TANGO2: variants seen among roughly 807,000 people sequenced by gnomAD.
The protein encoded by TANGO2 is transport and Golgi organization protein 2 homolog.
A neutral mutation model predicts 39.1 loss-of-function variants in TANGO2; 26 were observed. The observed-to-expected ratio is 0.67, with a 90% confidence interval of 0.49 to 0.92. The LOEUF (loss-of-function observed/expected upper bound fraction) is 0.92. TANGO2 is among the 40% of genes least tolerant of loss of function. The probability of loss-of-function intolerance (pLI) is 0.00; values close to 1 mark genes in which losing one functional copy is unlikely to be tolerated. For synonymous variants in TANGO2, 131 were observed against 144.5 expected (o/e 0.91, Z 0.67); for missense variants, 326 against 360.1 (o/e 0.91, Z 0.77).
chr22:20,018,486 C>T (rs547832332), upstream of TANGO2, among the ~76,000 whole-genome samples: 3 of 152,350 alleles, frequency 2.0e-5, no homozygotes, highest in South Asian at 6.2e-4. Context: ...GCTGGAGCCC[C>T]TCTTCTCACA....
intron 1 of TANGO2, among the ~76,000 whole-genome samples, chr22:20,031,559 A>G (rs1445957814): frequency 2.6e-5 from 4 of 152,208 alleles, no homozygotes; most frequent in African/African-American, 4.8e-5. Flanking sequence ...CCTGGGCTAC[A>G]TATCTGGGCT....
upstream of TANGO2, chr22:20,019,426 CT>C (rs2146576868): frequency 6.6e-6 from 1 of 152,394 alleles, no homozygotes; most frequent in South Asian, 2.1e-4. Context: ...CACCTGCTTC[CT>C]GGCATCGCAT....
chr22:20,056,732 CA>C (rs1382945163), intron 6 of TANGO2: 1 of 456,506 alleles, frequency 2.2e-6, no homozygotes, highest in Admixed American at 2.3e-5. Context: ...CAGGACAAAG[CA>C]GCACTCCTGG....
intron 1 of TANGO2, among the ~76,000 whole-genome samples, chr22:20,021,710 T>C (rs2039716099): frequency 1.3e-5 from 2 of 152,112 alleles, no homozygotes; most frequent in Admixed American, 6.5e-5. Flanking sequence ...GCGTCAGAGG[T>C]AGGGGCTGGC....
chr22:20,060,790 G>A (rs1001038669), intron 6 of TANGO2, among the ~76,000 whole-genome samples: 6 of 152,104 alleles, frequency 3.9e-5, no homozygotes, highest in African/African-American at 1.4e-4. Context: ...TGGTGTCTTG[G>A]TCTCCCTGGT....
At chr22:20,041,394 ACT>A (rs1331309732) in intron 2 of TANGO2, among the ~76,000 whole-genome samples, 1 of 141,690 alleles carries the variant, frequency 7.1e-6, no homozygotes, top group African/African-American at 2.7e-5. Context: ...CTCACTGCAA[ACT>A]CTGCCTCCCG....
rs550504498 is a variant in TANGO2, at chr22:20,034,074, G to T, written c.-39-2686G>T. Among the ~76,000 whole-genome samples the T allele has an allele frequency of 2.6e-5, 4 of 152,262 alleles. No individual in the cohort carries two copies. In the South Asian group the frequency reaches 8.3e-4, roughly 32 times the overall value. Reference sequence around the variant, plus strand: ...TACAAAATTAGCTGGGCGTGGTGGCGCATGCCTGTAATCCCAGCTACTCGG... The same window carrying T: ...TACAAAATTAGCTGGGCGTGGTGGCTCATGCCTGTAATCCCAGCTACTCGG... On this transcript the variant is annotated intron_variant, in intron 1 of 8. Coordinates refer to ENST00000327374, the MANE Select transcript of TANGO2 (RefSeq NM_152906.7).
At chr22:20,047,199 T>A (rs1470589952) in intron 3 of TANGO2, among the ~76,000 whole-genome samples, 1 of 151,054 alleles carries the variant, frequency 6.6e-6, no homozygotes, top group Non-Finnish European at 1.5e-5. Context: ...AGACCCCACC[T>A]CCAACACTGG....
intron 2 of TANGO2, 99 bp from the exon 3 acceptor site, chr22:20,043,256 C>G: frequency 1.2e-6 from 1 of 834,982 alleles, no homozygotes; most frequent in Non-Finnish European, 2.0e-6. Context: ...CTGAGACTGG[C>G]CCTTGTTGCC....
intron 1 of TANGO2, among the ~76,000 whole-genome samples, chr22:20,025,196 G>T (rs1248141511): frequency 1.3e-5 from 2 of 149,750 alleles, no homozygotes; most frequent in African/African-American, 2.4e-5. Flanking sequence ...GGTTCAATGC[G>T]ATTCTCCTGC....
At chr22:20,053,094 C>A (rs1441378950) in intron 4 of TANGO2, among the ~76,000 whole-genome samples, 3 of 152,192 alleles carry the variant, frequency 2.0e-5, no homozygotes, top group Admixed American at 6.5e-5. Flanking sequence ...GTGTCACTGT[C>A]CCCTGCCTGG....
chr22:20,061,322 C>T (rs534041694), intron 6 of TANGO2: 83 of 522,236 alleles, frequency 1.6e-4, no homozygotes, highest in South Asian at 1.1e-3. Context: ...TGCCCGCTTC[C>T]GCCTACTGCT....
Position 20,061,181 on chromosome 22 carries a change from C to G in TANGO2, c.452-349C>G, listed in dbSNP as rs140358672. Reference sequence around the variant, plus strand: ...CACTCTTGAACTTCTCAGGTGGCCCCCCAACCTGGCGTGAGGTGAAGAGGT... The same window carrying G: ...CACTCTTGAACTTCTCAGGTGGCCCGCCAACCTGGCGTGAGGTGAAGAGGT... On this transcript the variant is annotated intron_variant, in intron 6 of 8. Coordinates refer to ENST00000327374, the MANE Select transcript of TANGO2 (RefSeq NM_152906.7). The G allele has an allele frequency of 2.2e-5, 4 of 186,014 alleles. No homozygotes were observed. In the Admixed American group the frequency reaches 2.5e-4, roughly 11 times the overall value. 11.5% of individuals were successfully genotyped at this position (186,014 alleles called of 1,614,324 possible).
At chr22:20,056,060 C>A in intron 6 of TANGO2, 47 bp downstream of exon 6, 1 of 1,454,462 alleles carries the variant, frequency 6.9e-7, no homozygotes, top group Non-Finnish European at 9.7e-7. Context: ...TGTTTCTATG[C>A]AGAGGTCACC....
At chr22:20,043,859 G>A (rs912247643) in intron 3 of TANGO2, among the ~76,000 whole-genome samples, 3 of 152,142 alleles carry the variant, frequency 2.0e-5, no homozygotes, top group Admixed American at 6.5e-5. Context: ...GTTTGTATAT[G>A]AGCACCCTTG....
chr22:20,067,145 G>A lies in TANGO2; in HGVS notation c.*2483G>A, dbSNP rs1285453138. 1.3e-5 allele frequency: 2 copies of A among 151,976 alleles called. No individual in the cohort carries two copies. The highest frequency in any genetic ancestry group is 4.8e-5 in the African/African-American group (2 of 41,358). 9.4% of individuals were successfully genotyped at this position (151,976 alleles called of 1,614,324 possible). On this transcript the variant is annotated 3_prime_UTR_variant, in exon 9 of 9. Coordinates refer to ENST00000327374, the MANE Select transcript of TANGO2 (RefSeq NM_152906.7). Reference sequence around the variant, plus strand: ...AAGAGGAACATTTAGGCTGGATACAGTGGCTCATGCCTATAATCCCAGCAC... The same window carrying A: ...AAGAGGAACATTTAGGCTGGATACAATGGCTCATGCCTATAATCCCAGCAC...
intron 3 of TANGO2, among the ~76,000 whole-genome samples, chr22:20,045,398 C>A (rs1354112483): frequency 6.6e-6 from 1 of 151,592 alleles, no homozygotes; most frequent in Non-Finnish European, 1.5e-5. Context: ...GAGACTGAGC[C>A]ACTGCAGTTA....
chr22:20,032,196 A>G lies in TANGO2; in HGVS notation c.-39-4564A>G, dbSNP rs1365242797. On this transcript the variant is annotated intron_variant, in intron 1 of 8. Coordinates refer to ENST00000327374, the MANE Select transcript of TANGO2 (RefSeq NM_152906.7). ...GCGTCACCTGCCCCACCCGCCCTGT[A>G]ACCTACTTGCCCAACTGCTATCCCG... Among the ~76,000 whole-genome samples the G allele has an allele frequency of 3.3e-5, 5 of 152,180 alleles. No individual in the cohort carries two copies. The South Asian group carries it at 1.0e-3, about 31-fold the overall frequency.
chr22:20,023,375 A>G (rs2146668414), intron 1 of TANGO2, among the ~76,000 whole-genome samples: 1 of 152,120 alleles, frequency 6.6e-6, no homozygotes, highest in East Asian at 1.9e-4. Context: ...GAGGAAGCTG[A>G]GTGTTCCTCC....
Sources: gnomAD v4.1 joint callset for allele counts (sites outside exome capture counted in the v4.1 genomes callset) on GRCh38, gnomAD v4.1.1 for gene constraint, MANE v1.5 for transcripts, NCBI Gene and HGNC (gene_info 2026-07-23, HGNC 2026-07-21) for gene names.